The following CDC42SE2 variants were observed in gnomAD, a reference collection of about 807,000 sequenced individuals.
CDC42SE2 encodes the protein CDC42 small effector 2, also known as CDC42 small effector protein 2.
CDC42SE2 carries 3 observed loss-of-function variants against 11.5 expected under a neutral mutation model. The ratio of observed to expected loss-of-function variants is 0.26; its 90% CI spans 0.12 to 0.67. CDC42SE2 has a LOEUF of 0.67. Among genes scored for constraint, CDC42SE2 ranks in the 30% least tolerant of loss-of-function variants. The pLI, the probability that CDC42SE2 is intolerant of heterozygous loss-of-function variation, is 0.80. For synonymous variants in CDC42SE2, 33 were observed against 34.8 expected (o/e 0.95, Z 0.18); for missense variants, 82 against 106.8 (o/e 0.77, Z 1.02).
intron 2 of CDC42SE2, among the ~76,000 whole-genome samples, chr5:131,330,528 A>G (rs1044435594): frequency 1.3e-5 from 2 of 152,080 alleles, no homozygotes; most frequent in Admixed American, 6.6e-5. Context: ...GTTCACTTTT[A>G]TAATAATATT....
At chr5:131,360,177 A>G (rs1291029257) in intron 3 of CDC42SE2, among the ~76,000 whole-genome samples, 1 of 151,996 alleles carries the variant, frequency 6.6e-6, no homozygotes, top group Non-Finnish European at 1.5e-5. Flanking sequence ...CTGGAGTGCA[A>G]TGGCGTGATC....
chr5:131,270,236 G>T (rs561205119), intron 1 of CDC42SE2, among the ~76,000 whole-genome samples: 5 of 151,780 alleles, frequency 3.3e-5, no homozygotes, highest in Non-Finnish European at 7.4e-5. Context: ...TTATCCGGGC[G>T]TGGTGGCAGG....
intron 1 of CDC42SE2, among the ~76,000 whole-genome samples, chr5:131,264,730 T>TA (rs1756820675): frequency 1.3e-5 from 2 of 152,180 alleles, no homozygotes. Context: ...GAGCTACTCT[T>TA]ACAGGTTGTT....
At chr5:131,364,680 AT>A (rs1345416009) in intron 3 of CDC42SE2, among the ~76,000 whole-genome samples, 1 of 152,232 alleles carries the variant, frequency 6.6e-6, no homozygotes, top group Non-Finnish European at 1.5e-5. Flanking sequence ...CTTCATGCAC[AT>A]TTAGCCTCCT....
At chr5:131,344,358 C>T (rs1580767973) in intron 2 of CDC42SE2, among the ~76,000 whole-genome samples, 4 of 152,192 alleles carry the variant, frequency 2.6e-5, no homozygotes, top group East Asian at 1.9e-4. Flanking sequence ...TTATATCCTG[C>T]GCCTGACTAA....
intron 2 of CDC42SE2, among the ~76,000 whole-genome samples, chr5:131,357,867 C>G (rs1390606685): frequency 6.6e-6 from 1 of 152,202 alleles, no homozygotes; most frequent in Non-Finnish European, 1.5e-5. Context: ...ACTGCTGTTG[C>G]CAGCGCCACA....
chr5:131,311,195 C>T (rs994284733), intron 1 of CDC42SE2, among the ~76,000 whole-genome samples: 8 of 151,746 alleles, frequency 5.3e-5, no homozygotes, highest in Admixed American at 4.6e-4. Flanking sequence ...TTCTCCTTCA[C>T]TTATGAAGCT....
chr5:131,257,842 G>A (rs978611438), intron 2 of CDC42SE2, among the ~76,000 whole-genome samples: 7 of 152,080 alleles, frequency 4.6e-5, no homozygotes, highest in Admixed American at 3.3e-4. Flanking sequence ...AAGATATTCC[G>A]TTTCTCCTCT....
intron 4 of CDC42SE2, among the ~76,000 whole-genome samples, chr5:131,390,631 C>T (rs139365382): frequency 0.013 from 2,014 of 151,796 alleles, 32 homozygotes; most frequent in African/African-American, 0.042. Context: ...GCTGAGATGA[C>T]GCCAGTGCAC....
chr5:131,282,059 G>A (rs968012875), intron 1 of CDC42SE2, among the ~76,000 whole-genome samples: 16 of 152,166 alleles, frequency 1.1e-4, no homozygotes, highest in African/African-American at 1.4e-4. Flanking sequence ...CCCAGGTAGT[G>A]ATCTTTCAGG....
the CDC42SE2 span, among the ~76,000 whole-genome samples, chr5:131,211,747 C>T: frequency 6.6e-6 from 1 of 151,952 alleles, no homozygotes; most frequent in Non-Finnish European, 1.5e-5. Context: ...TTTTGGAGGA[C>T]GAGGCAGGAG....
At chr5:131,286,085 C>T (rs1008990587) in intron 1 of CDC42SE2, among the ~76,000 whole-genome samples, 1 of 143,284 alleles carries the variant, frequency 7.0e-6, no homozygotes, top group Non-Finnish European at 1.5e-5. Flanking sequence ...GACAGGGTCT[C>T]ACTGTGTCAC....
chr5:131,233,588 G>A, the CDC42SE2 span, among the ~76,000 whole-genome samples: 54 of 152,250 alleles, frequency 3.5e-4, no homozygotes, highest in African/African-American at 1.1e-3. Context: ...AGCTGGTCTC[G>A]AACTGACCTC....
intron 3 of CDC42SE2, among the ~76,000 whole-genome samples, chr5:131,373,471 C>G (rs1750067679): frequency 6.6e-6 from 1 of 152,118 alleles, no homozygotes; most frequent in African/African-American, 2.4e-5. Flanking sequence ...TCAGCAGGTC[C>G]TTTTCTAGAG....
chr5:131,234,994 T>C, the CDC42SE2 span, among the ~76,000 whole-genome samples: 2 of 151,082 alleles, frequency 1.3e-5, no homozygotes, highest in African/African-American at 2.4e-5. Context: ...GTTCAAGTGA[T>C]TCTCCTGCCT....
At chr5:131,261,712 T>C (rs1298084237), upstream of CDC42SE2, 1 of 151,982 alleles carries the variant, frequency 6.6e-6, no homozygotes, top group Non-Finnish European at 1.5e-5. Context: ...TAGCTAGGTG[T>C]AGTAGTGTGC....
the CDC42SE2 span, among the ~76,000 whole-genome samples, chr5:131,232,775 C>T: frequency 2.0e-5 from 3 of 150,586 alleles, no homozygotes; most frequent in East Asian, 1.9e-4. Flanking sequence ...AATATTATCC[C>T]GTCTTTAAAA....
rs148354795 is a variant in CDC42SE2 at position 131,268,054 on chromosome 5, C to CTTTTT, written c.-455+3911_-455+3915dup. Among the ~76,000 whole-genome samples, 53 of 65,448 alleles carry CTTTTT rather than the reference C, an allele frequency of 8.1e-4. 3 individuals are homozygous for CTTTTT. The highest frequency in any genetic ancestry group is 9.6e-4 in the Non-Finnish European group (34 of 35,288). The allele number at this position is 65,448 out of a possible 152,430, so 42.9% of individuals were successfully genotyped here. On this transcript the variant is annotated intron_variant, in intron 1 of 4. Coordinates refer to ENST00000505065, the MANE Select transcript of CDC42SE2 (RefSeq NM_001375635.1). ...AGAGAAGTACATGTACATGCTTATT[C>CTTTTT]TTTTTTTTTTTTTTTTTTTTTTTTT... is the stretch of plus-strand genomic sequence containing the variant.
At chr5:131,348,391 C>G (rs933712166) in intron 2 of CDC42SE2, among the ~76,000 whole-genome samples, 1 of 152,034 alleles carries the variant, frequency 6.6e-6, no homozygotes, top group Non-Finnish European at 1.5e-5. Context: ...CCCATTCACA[C>G]TTGGTACAAA....
Sources: gnomAD v4.1 joint callset for allele counts (sites outside exome capture counted in the v4.1 genomes callset) on GRCh38, gnomAD v4.1.1 for gene constraint, MANE v1.5 for transcripts, NCBI Gene and HGNC (gene_info 2026-07-23, HGNC 2026-07-21) for gene names.